The following UBTD2 variants were observed in gnomAD, a reference collection of about 807,000 sequenced individuals.
UBTD2 encodes ubiquitin domain containing 2, also known as ubiquitin domain-containing protein 2.
UBTD2 carries 9 observed loss-of-function variants against 19.8 expected under a neutral mutation model. The observed-to-expected ratio is 0.46, with a 90% CI of 0.27 to 0.79. The LOEUF (loss-of-function observed/expected upper bound fraction) is 0.79. UBTD2 is among the 30% of genes least tolerant of loss of function. The probability of loss-of-function intolerance (pLI) is 0.14; values close to 1 mark genes in which losing one functional copy is unlikely to be tolerated. For synonymous variants in UBTD2, 98 were observed against 103.9 expected, an observed-to-expected ratio of 0.94 and a Z score of 0.35; for missense variants, 250 against 300.4, an observed-to-expected ratio of 0.83 and a Z score of 1.24.
chr5:172,255,336 CTTG>C (rs1755119149), intron 1 of UBTD2: 1 of 458,000 alleles, frequency 2.2e-6, no homozygotes, highest in Non-Finnish European at 4.4e-6. Context: ...TGACCCCATA[CTTG>C]TTGGGCTTCA....
chr5:172,215,434 G>C (rs1007120467), intron 2 of UBTD2, among the ~76,000 whole-genome samples: 4 of 152,168 alleles, frequency 2.6e-5, no homozygotes, highest in Admixed American at 6.6e-5. Flanking sequence ...CTATGACTGA[G>C]AAGCACTGGT....
At position 172,256,529 on chromosome 5, in the gene UBTD2, G is replaced by T. The variant is rs1477442552; in HGVS notation, c.71-22171C>A. Among the ~76,000 whole-genome samples, 4 of 121,310 alleles carry T rather than the reference G, an allele frequency of 3.3e-5. No individual in the cohort carries two copies. In the East Asian group the frequency reaches 9.9e-4, roughly 30 times the overall value. 79.6% of individuals were successfully genotyped at this position (121,310 alleles called of 152,430 possible). ...CTACAGGTGCATGCCACCATGCCCA[G>T]CTTTTTTTTTTTTTTTTTAGTAGAC... On this transcript the variant is annotated intron_variant, in intron 1 of 2. Transcript: ENST00000393792.
At chr5:172,214,089 G>A (rs1771499890) in intron 2 of UBTD2, among the ~76,000 whole-genome samples, 1 of 152,190 alleles carries the variant, frequency 6.6e-6, no homozygotes, top group Non-Finnish European at 1.5e-5. Flanking sequence ...CTGGCCAAAA[G>A]CATAACTTAA....
At chr5:172,282,333 T>C (rs1755734976) in intron 1 of UBTD2, among the ~76,000 whole-genome samples, 1 of 152,204 alleles carries the variant, frequency 6.6e-6, no homozygotes, top group Non-Finnish European at 1.5e-5. Flanking sequence ...AGCATTTTCA[T>C]GGACTTTTTC....
At chr5:172,266,652 CT>C (rs1751402323) in intron 1 of UBTD2, among the ~76,000 whole-genome samples, 2 of 152,238 alleles carry the variant, frequency 1.3e-5, no homozygotes, top group South Asian at 4.1e-4. Context: ...GAGAGTAGGC[CT>C]AATAGTGCTA....
chr5:172,235,203 A>C (rs1002409894), intron 1 of UBTD2, among the ~76,000 whole-genome samples: 1 of 152,204 alleles, frequency 6.6e-6, no homozygotes, highest in Non-Finnish European at 1.5e-5. Context: ...ACACCACGAA[A>C]GAGAGGCAAG....
At chr5:172,270,164 T>C (rs983056495) in intron 1 of UBTD2, among the ~76,000 whole-genome samples, 1 of 151,278 alleles carries the variant, frequency 6.6e-6, no homozygotes. Flanking sequence ...ACTGCAGCCT[T>C]GAACTCATGG....
At chr5:172,281,917 C>T (rs1222477297) in intron 1 of UBTD2, among the ~76,000 whole-genome samples, 2 of 152,126 alleles carry the variant, frequency 1.3e-5, no homozygotes, top group African/African-American at 4.8e-5. Context: ...GAAACTGATA[C>T]TATAGCTATC....
At chr5:172,253,667 T>C (rs1755076347) in intron 1 of UBTD2, among the ~76,000 whole-genome samples, 1 of 151,978 alleles carries the variant, frequency 6.6e-6, no homozygotes, top group African/African-American at 2.4e-5. Context: ...TTGGCCAGGA[T>C]GGTCTCGATT....
intron 1 of UBTD2, among the ~76,000 whole-genome samples, chr5:172,274,381 C>T (rs576209438): frequency 7.9e-5 from 12 of 152,042 alleles, no homozygotes; most frequent in African/African-American, 1.4e-4. Flanking sequence ...CCTCATGATC[C>T]GCCCGCCTCA....
intron 1 of UBTD2, among the ~76,000 whole-genome samples, chr5:172,266,680 T>C (rs1450039343): frequency 3.3e-5 from 5 of 152,152 alleles, no homozygotes; most frequent in Non-Finnish European, 7.3e-5. Context: ...ATTTCCAGCT[T>C]CAAATGGGCT....
At chr5:172,223,586 C>CA (rs577474758) in intron 2 of UBTD2, among the ~76,000 whole-genome samples, 1,222 of 33,120 alleles carry the variant, frequency 0.037, 406 homozygotes, top group Non-Finnish European at 0.05. Flanking sequence ...GCGACGGAGT[C>CA]AAAAAAAAAA....
At chr5:172,221,879 T>C (rs1467919249) in intron 2 of UBTD2, among the ~76,000 whole-genome samples, 1 of 152,110 alleles carries the variant, frequency 6.6e-6, no homozygotes, top group South Asian at 2.1e-4. Context: ...CAATGTAGGT[T>C]CATTTATTTT....
At chr5:172,255,603 T>A (rs1464622246) in intron 1 of UBTD2, among the ~76,000 whole-genome samples, 1 of 152,062 alleles carries the variant, frequency 6.6e-6, no homozygotes, top group Non-Finnish European at 1.5e-5. Flanking sequence ...CGGGAGCGCA[T>A]GCAGCAGGCG....
At position 172,212,055 on chromosome 5, in the gene UBTD2, T is replaced by C. The variant is rs1192077932; in HGVS notation, c.480A>G (p.Thr160=). ...GAACCACAAGCTTGAGGTCTTTGCCTGTGGAAAGGCGCAAACGAAGCTGAC... is the reference window on the plus strand; with the variant it reads ...GAACCACAAGCTTGAGGTCTTTGCCCGTGGAAAGGCGCAAACGAAGCTGAC... The part of the protein sequence containing the change: ...YECQLRLRLS[T]GKDLKLVVRS... The change falls in exon 3 of 3, where the codon ACA becomes ACG. Residue 160 remains threonine, a synonymous_variant. Transcript: ENST00000393792. 1.2e-6 allele frequency: 2 copies of C among 1,614,232 alleles called. No homozygotes were observed. The highest frequency in any genetic ancestry group is 2.2e-5 in the South Asian group (2 of 91,090).
At chr5:172,236,341 A>G (rs1001002792) in intron 1 of UBTD2, among the ~76,000 whole-genome samples, 8 of 152,266 alleles carry the variant, frequency 5.3e-5, no homozygotes, top group African/African-American at 1.9e-4. Flanking sequence ...AAGTCTCTTT[A>G]TTTAATCAAC....
chr5:172,250,162 G>A (rs920729274), intron 1 of UBTD2, among the ~76,000 whole-genome samples: 1 of 152,166 alleles, frequency 6.6e-6, no homozygotes, highest in Admixed American at 6.6e-5. Flanking sequence ...GGCGGAGGTT[G>A]CAGTGAGCCG....
intron 2 of UBTD2, among the ~76,000 whole-genome samples, chr5:172,232,216 T>C (rs1771915241): frequency 6.6e-6 from 1 of 151,404 alleles, no homozygotes; most frequent in East Asian, 1.9e-4. Context: ...GAGGTTACAG[T>C]AAGCCAAGAT....
chr5:172,213,686 A>C lies in UBTD2; in HGVS notation c.308-1459T>G, dbSNP rs543012387. 2.6e-5 allele frequency among the ~76,000 whole-genome samples: 4 copies of C among 152,330 alleles called. No individual in the cohort carries two copies. In the East Asian group the frequency reaches 7.7e-4, roughly 29 times the overall value. ...GGACTCAAAACTCCTGGGCTCAAGCAATCCTCCTGCCTCCACCTCCTGAGT... is the reference window on the plus strand; with the variant it reads ...GGACTCAAAACTCCTGGGCTCAAGCCATCCTCCTGCCTCCACCTCCTGAGT... On this transcript the variant is annotated intron_variant, in intron 2 of 2. Transcript: ENST00000393792.
Sources: allele counts gnomAD v4.1 joint callset (sites outside exome capture counted in the v4.1 genomes callset), GRCh38; gene constraint gnomAD v4.1.1; transcripts MANE v1.5; gene names NCBI Gene and HGNC (gene_info 2026-07-23, HGNC 2026-07-21).